The following PRKD1 variants were observed in gnomAD, a reference collection of about 807,000 sequenced individuals.
The protein encoded by PRKD1 is serine/threonine-protein kinase D1.
In PRKD1, 63 loss-of-function variants were observed where a neutral mutation model predicts 95.9. That is an observed-to-expected ratio of 0.66 (90% CI 0.54 to 0.81). The LOEUF (loss-of-function observed/expected upper bound fraction) is 0.81, where lower values mean the gene tolerates loss of function less well. Ranked by LOEUF, PRKD1 falls within the 30% of genes least tolerant of loss-of-function variation. PRKD1 has a pLI of 0.00. For synonymous variants in PRKD1, 425 were observed against 423.1 expected, an observed-to-expected ratio of 1.00 and a Z score of -0.05; for missense variants, 1,048 against 1,165.3, an observed-to-expected ratio of 0.90 and a Z score of 1.47.
intron 16 of PRKD1, among the ~76,000 whole-genome samples, chr14:29,583,662 A>C (rs1224265608): frequency 6.6e-6 from 1 of 151,746 alleles, no homozygotes; most frequent in East Asian, 2.0e-4. Context: ...TTAAATAGCC[A>C]CAACCGGGCA....
chr14:29,852,638 A>G (rs1892351809), intron 1 of PRKD1, among the ~76,000 whole-genome samples: 1 of 152,196 alleles, frequency 6.6e-6, no homozygotes, highest in Non-Finnish European at 1.5e-5. Context: ...TGACATCAAA[A>G]ACTGAAAGGA....
At chr14:29,854,537 A>C (rs1291880925) in intron 1 of PRKD1, among the ~76,000 whole-genome samples, 2 of 152,228 alleles carry the variant, frequency 1.3e-5, no homozygotes, top group African/African-American at 4.8e-5. Context: ...CAGTTTTAAA[A>C]GGGAAGCAGA....
At chr14:29,778,027 C>T (rs1173616247) in intron 1 of PRKD1, among the ~76,000 whole-genome samples, 1 of 152,166 alleles carries the variant, frequency 6.6e-6, no homozygotes, top group Non-Finnish European at 1.5e-5. Flanking sequence ...AACTGAACAA[C>T]CTGCTCCTGA....
At chr14:29,781,883 T>G (rs1393027120) in intron 1 of PRKD1, among the ~76,000 whole-genome samples, 1 of 152,198 alleles carries the variant, frequency 6.6e-6, no homozygotes, top group Admixed American at 6.5e-5. Context: ...TGTGAATTCT[T>G]TAAAAGATGC....
chr14:29,866,336 G>A (rs554716639), intron 1 of PRKD1, among the ~76,000 whole-genome samples: 4 of 152,108 alleles, frequency 2.6e-5, no homozygotes, highest in South Asian at 2.1e-4. Flanking sequence ...AATTGGCTAC[G>A]TATTAGCATC....
chr14:29,885,124 T>TTTTAAAAAA (rs1232960518), intron 1 of PRKD1, among the ~76,000 whole-genome samples: 167 of 131,064 alleles, frequency 1.3e-3, no homozygotes, highest in African/African-American at 4.5e-3. Context: ...CTCCATCTTT[T>TTTTAAAAAA]AAAAAAAAAA....
At chr14:29,864,463 G>A (rs749299321) in intron 1 of PRKD1, among the ~76,000 whole-genome samples, 21 of 152,118 alleles carry the variant, frequency 1.4e-4, no homozygotes, top group Non-Finnish European at 2.2e-4. Flanking sequence ...GAGCCAAGTG[G>A]TCTGTGTTCA....
At chr14:29,883,114 C>T (rs995676040) in intron 1 of PRKD1, among the ~76,000 whole-genome samples, 3 of 152,122 alleles carry the variant, frequency 2.0e-5, no homozygotes, top group Non-Finnish European at 4.4e-5. Flanking sequence ...GCAGGCATGC[C>T]ACATGGTGAA....
intron 4 of PRKD1, among the ~76,000 whole-genome samples, chr14:29,654,318 C>T (rs973132780): frequency 2.6e-5 from 4 of 151,868 alleles, no homozygotes; most frequent in South Asian, 2.1e-4. Context: ...ATTACAGGTG[C>T]GTGCCACCAT....
chr14:29,671,457 G>T (rs1882838007), intron 2 of PRKD1, among the ~76,000 whole-genome samples: 1 of 152,174 alleles, frequency 6.6e-6, no homozygotes, highest in African/African-American at 2.4e-5. Context: ...TTTCAGCTGG[G>T]TGTTTCATGT....
At chr14:29,721,623 T>C (rs45486401) in intron 2 of PRKD1, among the ~76,000 whole-genome samples, 1 of 152,128 alleles carries the variant, frequency 6.6e-6, no homozygotes, top group Admixed American at 6.6e-5. Flanking sequence ...TCAAATACAT[T>C]CCACAACCTT....
At chr14:29,676,905 CAATTTAAATT>C in intron 2 of PRKD1, among the ~76,000 whole-genome samples, 1 of 152,224 alleles carries the variant, frequency 6.6e-6, no homozygotes, top group African/African-American at 2.4e-5. Flanking sequence ...GTTGTTATTC[CAATTTAAATT>C]AATTACAATT....
chr14:29,655,860 G>A (rs1243759720), intron 4 of PRKD1, among the ~76,000 whole-genome samples: 1 of 151,372 alleles, frequency 6.6e-6, no homozygotes. Flanking sequence ...TATTGAAAAG[G>A]TAAGTTCATG....
At chr14:29,655,010 T>C (rs958380963) in intron 4 of PRKD1, among the ~76,000 whole-genome samples, 5 of 152,236 alleles carry the variant, frequency 3.3e-5, no homozygotes, top group African/African-American at 1.2e-4. Flanking sequence ...AAGGCCTGGT[T>C]GCTTTTAATT....
intron 13 of PRKD1, among the ~76,000 whole-genome samples, chr14:29,614,468 T>G (rs888072510): frequency 6.6e-6 from 1 of 152,182 alleles, no homozygotes; most frequent in Admixed American, 6.5e-5. Context: ...ATAAGTAATA[T>G]TCACTCACCA....
chr14:29,677,217 AG>A (rs1883282119), intron 2 of PRKD1, among the ~76,000 whole-genome samples: 1 of 152,232 alleles, frequency 6.6e-6, no homozygotes. Context: ...ACACTTATCA[AG>A]CACTTACTTT....
intron 4 of PRKD1, among the ~76,000 whole-genome samples, chr14:29,646,750 A>G (rs1881150011): frequency 6.7e-6 from 1 of 148,306 alleles, no homozygotes. Flanking sequence ...CAAACAAAAA[A>G]CGAAAAAAAA....
chr14:29,896,519 A>G (rs541732375), intron 1 of PRKD1, among the ~76,000 whole-genome samples: 1 of 152,324 alleles, frequency 6.6e-6, no homozygotes, highest in African/African-American at 2.4e-5. Context: ...TCAGAAAAAT[A>G]AAGACAGAGG....
At chr14:29,610,752 GC>G (rs1878406423) in intron 13 of PRKD1, among the ~76,000 whole-genome samples, 1 of 152,172 alleles carries the variant, frequency 6.6e-6, no homozygotes. Flanking sequence ...AAACTTGCAA[GC>G]AACCAAGATG....
Sources: gnomAD v4.1 joint callset for allele counts (sites outside exome capture counted in the v4.1 genomes callset) on GRCh38, gnomAD v4.1.1 for gene constraint, MANE v1.5 for transcripts, NCBI Gene and HGNC (gene_info 2026-07-23, HGNC 2026-07-21) for gene names.